NBEA: variants seen among roughly 807,000 people sequenced by gnomAD.
The protein encoded by NBEA is lysosomal-trafficking regulator 2.
Under a neutral mutation model 343.4 loss-of-function variants are expected in NBEA, and 44 were observed. That is an observed-to-expected ratio of 0.13 (90% CI 0.10 to 0.16). The LOEUF (loss-of-function observed/expected upper bound fraction) is 0.16, where lower values mean the gene tolerates loss of function less well. NBEA is among the 10% of genes least tolerant of loss of function. The pLI, the probability that NBEA is intolerant of heterozygous loss-of-function variation, is 1.00. For missense variants in NBEA, 2,555 were observed against 3,631.3 expected, an observed-to-expected ratio of 0.70 and a Z score of 7.62; for synonymous variants, 1,175 against 1,238.7, an observed-to-expected ratio of 0.95 and a Z score of 1.08.
At chr13:35,051,261 C>T (rs1399197588) in intron 6 of NBEA, among the ~76,000 whole-genome samples, 1 of 151,944 alleles carries the variant, frequency 6.6e-6, no homozygotes, top group East Asian at 1.9e-4. Flanking sequence ...TTTTAGGGCA[C>T]ACTGCCTCCT....
At chr13:35,559,947 A>G (rs189369118) in intron 44 of NBEA, among the ~76,000 whole-genome samples, 10,527 of 151,464 alleles carry the variant, frequency 0.07, 642 homozygotes, top group East Asian at 0.22. Flanking sequence ...AAAAAAAAAA[A>G]AAGAAACATT....
chr13:35,249,151 C>CAAAAAAAAA (rs1179922550), intron 34 of NBEA, among the ~76,000 whole-genome samples: 2 of 49,708 alleles, frequency 4.0e-5, no homozygotes, highest in Non-Finnish European at 8.3e-5. Context: ...CTCCATCTTA[C>CAAAAAAAAA]AAAAAAAAAA....
intron 41 of NBEA, among the ~76,000 whole-genome samples, chr13:35,529,659 A>G (rs1459486048): frequency 1.3e-5 from 2 of 152,258 alleles, no homozygotes; most frequent in Non-Finnish European, 2.9e-5. Flanking sequence ...CATCTGATTC[A>G]GAGAAGTTAT....
chr13:35,010,662 T>C (rs2061453792), intron 1 of NBEA, among the ~76,000 whole-genome samples: 1 of 132,920 alleles, frequency 7.5e-6, no homozygotes, highest in African/African-American at 2.9e-5. Context: ...GGCAGAAGGA[T>C]AAGTTGAGTC....
intron 46 of NBEA, among the ~76,000 whole-genome samples, chr13:35,592,375 C>A (rs894156397): frequency 1.3e-5 from 2 of 152,020 alleles, no homozygotes; most frequent in Admixed American, 1.3e-4. Context: ...AAGGTAGATA[C>A]GGAACCTACT....
At chr13:35,613,189 C>A (rs925210547) in intron 48 of NBEA, among the ~76,000 whole-genome samples, 1 of 150,836 alleles carries the variant, frequency 6.6e-6, no homozygotes, top group African/African-American at 2.4e-5. Flanking sequence ...ACCAACATTT[C>A]CCCTTTCCCT....
At chr13:35,121,725 C>T (rs1335714930) in intron 16 of NBEA, among the ~76,000 whole-genome samples, 34 of 152,012 alleles carry the variant, frequency 2.2e-4, no homozygotes, top group Admixed American at 2.2e-3. Flanking sequence ...TCAATAACAT[C>T]TTTTCTTTTT....
chr13:35,164,134 A>G (rs2069800991), intron 23 of NBEA, among the ~76,000 whole-genome samples: 2 of 152,284 alleles, frequency 1.3e-5, no homozygotes, highest in African/African-American at 4.8e-5. Context: ...GCAAAGTAAT[A>G]ATATAATGAG....
At chr13:35,665,395 T>G (rs1348140534) in intron 56 of NBEA, among the ~76,000 whole-genome samples, 2 of 152,154 alleles carry the variant, frequency 1.3e-5, no homozygotes, top group Non-Finnish European at 2.9e-5. Flanking sequence ...TGGTCAACAG[T>G]GTTCTAAGCA....
intron 11 of NBEA, among the ~76,000 whole-genome samples, chr13:35,104,990 T>C (rs749975218): frequency 1.1e-4 from 16 of 151,958 alleles, no homozygotes; most frequent in Non-Finnish European, 2.1e-4. Context: ...ATACTCAACC[T>C]AGGTTTTTGA....
At chr13:35,496,629 G>T (rs572189579) in intron 41 of NBEA, among the ~76,000 whole-genome samples, 71 of 12,418 alleles carry the variant, frequency 5.7e-3, no homozygotes, top group African/African-American at 0.013. Context: ...GTGAGATTCT[G>T]TCAAAAAAAA....
intron 36 of NBEA, among the ~76,000 whole-genome samples, chr13:35,336,384 T>A (rs1016347264): frequency 6.6e-6 from 1 of 152,100 alleles, no homozygotes; most frequent in Admixed American, 6.6e-5. Flanking sequence ...TTTTAAAATA[T>A]GTTCCACTAG....
chr13:35,266,804 T>C (rs1259989594), intron 34 of NBEA, among the ~76,000 whole-genome samples: 2 of 151,860 alleles, frequency 1.3e-5, no homozygotes, highest in Non-Finnish European at 2.9e-5. Context: ...TAAACAGTTA[T>C]CCCATGAACA....
intron 1 of NBEA, among the ~76,000 whole-genome samples, chr13:34,957,193 A>T (rs1044635389): frequency 1.3e-5 from 2 of 151,958 alleles, no homozygotes; most frequent in African/African-American, 4.8e-5. Context: ...TGATTCTCTT[A>T]TCTTGAAACT....
intron 34 of NBEA, among the ~76,000 whole-genome samples, chr13:35,236,094 C>T (rs2075213661): frequency 6.6e-6 from 1 of 152,166 alleles, no homozygotes; most frequent in Admixed American, 6.5e-5. Flanking sequence ...AAAATGATGA[C>T]AGCAAATGGT....
chr13:35,059,028 C>G (rs2063367877), intron 8 of NBEA, among the ~76,000 whole-genome samples, 165 bp downstream of exon 8: 2 of 152,050 alleles, frequency 1.3e-5, no homozygotes, highest in South Asian at 4.1e-4. Flanking sequence ...AAAGATGCTT[C>G]TTAACCATTT....
intron 36 of NBEA, among the ~76,000 whole-genome samples, chr13:35,317,320 C>CT (rs1365885704): frequency 2.6e-5 from 4 of 152,136 alleles, no homozygotes; most frequent in Non-Finnish European, 5.9e-5. Context: ...TTTTCTGCCT[C>CT]TGGCTAGCCA....
chr13:35,270,983 G>A (rs950260981), intron 34 of NBEA, among the ~76,000 whole-genome samples: 2 of 152,230 alleles, frequency 1.3e-5, no homozygotes, highest in Admixed American at 6.5e-5. Context: ...TGACAGCACC[G>A]AAGAGAGCAG....
intron 1 of NBEA, among the ~76,000 whole-genome samples, chr13:35,033,945 G>T (rs566760352): frequency 6.6e-6 from 1 of 151,360 alleles, no homozygotes; most frequent in Non-Finnish European, 1.5e-5. Flanking sequence ...TCTATCATCC[G>T]CAAACAAGGA....
Sources: allele counts gnomAD v4.1 joint callset (sites outside exome capture counted in the v4.1 genomes callset), GRCh38; gene constraint gnomAD v4.1.1; transcripts MANE v1.5; gene names NCBI Gene and HGNC (gene_info 2026-07-23, HGNC 2026-07-21).